The following EPHB2 variants were observed in gnomAD, a reference collection of about 807,000 sequenced individuals.
EPHB2 encodes ephrin type-B receptor 2.
Under a neutral mutation model 96.4 loss-of-function variants are expected in EPHB2, and 18 were observed. The ratio of observed to expected loss-of-function variants is 0.19; its 90% CI spans 0.13 to 0.28. The LOEUF (loss-of-function observed/expected upper bound fraction) is 0.28. Among genes scored for constraint, EPHB2 ranks in the 10% least tolerant of loss-of-function variants. The probability of loss-of-function intolerance (pLI) is 1.00; values close to 1 mark genes in which losing one functional copy is unlikely to be tolerated. For synonymous variants in EPHB2, 506 were observed against 534.1 expected, an observed-to-expected ratio of 0.95 and a Z score of 0.72; for missense variants, 989 against 1,355.4, an observed-to-expected ratio of 0.73 and a Z score of 4.25.
At chr1:22,897,870 C>T (rs901295078) in intron 9 of EPHB2, among the ~76,000 whole-genome samples, 3 of 152,050 alleles carry the variant, frequency 2.0e-5, no homozygotes, top group African/African-American at 7.2e-5. Context: ...GATGCCAAGG[C>T]AGGTGGATCA....
chr1:22,903,413 A>AAAG (rs778349835), intron 9 of EPHB2, among the ~76,000 whole-genome samples: 7 of 152,216 alleles, frequency 4.6e-5, no homozygotes, highest in Non-Finnish European at 8.8e-5. Context: ...GCTGATGGGG[A>AAAG]AAGAGGTGAT....
At chr1:22,725,622 C>T (rs1643564495) in intron 1 of EPHB2, among the ~76,000 whole-genome samples, 1 of 152,140 alleles carries the variant, frequency 6.6e-6, no homozygotes, top group Admixed American at 6.6e-5. Context: ...GAGCCATTGA[C>T]TATGGATTTG....
chr1:22,734,390 A>C, intron 1 of EPHB2, among the ~76,000 whole-genome samples: 2 of 148,102 alleles, frequency 1.4e-5, no homozygotes, highest in Admixed American at 6.7e-5. Context: ...AGATATATAC[A>C]CTCAATAAAG....
At chr1:22,824,841 C>T (rs1028164435) in intron 3 of EPHB2, among the ~76,000 whole-genome samples, 1 of 152,236 alleles carries the variant, frequency 6.6e-6, no homozygotes, top group Non-Finnish European at 1.5e-5. Context: ...AGCATTCCGT[C>T]CCAGGGCACC....
chr1:22,891,961 AT>A (rs528214016), intron 6 of EPHB2, among the ~76,000 whole-genome samples: 1,804 of 138,506 alleles, frequency 0.013, 7 homozygotes, highest in Middle Eastern at 0.033. Flanking sequence ...TGCCCAGCTA[AT>A]TTTTTTTTTT....
At chr1:22,823,541 A>G (rs899458754) in intron 3 of EPHB2, among the ~76,000 whole-genome samples, 4 of 151,422 alleles carry the variant, frequency 2.6e-5, no homozygotes, top group Non-Finnish European at 5.9e-5. Flanking sequence ...TGTTTTGAGA[A>G]TTACCACTCT....
chr1:22,910,744 CA>C (rs1247632851), intron 14 of EPHB2, among the ~76,000 whole-genome samples, 169 bp downstream of exon 14: 1 of 152,182 alleles, frequency 6.6e-6, no homozygotes, highest in Admixed American at 6.5e-5. Context: ...TGCAGGAGAG[CA>C]GAGGACGCAG....
chr1:22,842,101 G>A (rs1049231269), intron 3 of EPHB2, among the ~76,000 whole-genome samples: 4 of 152,150 alleles, frequency 2.6e-5, no homozygotes, highest in African/African-American at 7.2e-5. Context: ...AAGAGCTGTC[G>A]GGAGTAACTT....
intron 1 of EPHB2, among the ~76,000 whole-genome samples, chr1:22,754,868 A>G (rs372756215): frequency 0.2 from 1,094 of 5,468 alleles, no homozygotes; most frequent in East Asian, 0.29. Context: ...GAGGTGAGGC[A>G]AGGGGCAGGT....
At position 22,905,982 on chromosome 1, in the gene EPHB2, C is replaced by G. The variant is rs529304381; in HGVS notation, c.1766-5C>G. ...CATATGACAGAGCCTGGTCTTGTCC[C>G]CCAGTGACCCCAGGCATGAAGATCT... On this transcript the variant is annotated splice_region_variant and splice_polypyrimidine_tract_variant and intron_variant, in intron 9 of 15. Transcript: ENST00000374630. The G allele has an allele frequency of 6.8e-6, 11 of 1,614,068 alleles. No homozygotes were observed. The East Asian group carries it at 2.5e-4, about 36-fold the overall frequency.
intron 3 of EPHB2, among the ~76,000 whole-genome samples, chr1:22,810,699 G>T (rs1374499371): frequency 6.6e-6 from 1 of 152,184 alleles, no homozygotes; most frequent in Admixed American, 6.5e-5. Flanking sequence ...CAGCAGAGCT[G>T]CCAGGGCAGG....
intron 1 of EPHB2, 126 bp from the exon 2 acceptor site, chr1:22,781,295 G>A (rs1313380137): frequency 6.4e-6 from 6 of 938,646 alleles, no homozygotes; most frequent in Middle Eastern, 2.9e-4. Context: ...ACTCCAGCCT[G>A]GGCGACAGAG....
At chr1:22,753,766 C>T (rs1014427091) in intron 1 of EPHB2, among the ~76,000 whole-genome samples, 1 of 152,162 alleles carries the variant, frequency 6.6e-6, no homozygotes, top group Non-Finnish European at 1.5e-5. Flanking sequence ...CTTTCACTTT[C>T]TCTCAATAAC....
intron 6 of EPHB2, among the ~76,000 whole-genome samples, chr1:22,886,208 G>A (rs185998572): frequency 1.4e-4 from 21 of 152,300 alleles, no homozygotes; most frequent in African/African-American, 4.1e-4. Flanking sequence ...TTCACCAAAC[G>A]CGCAGGTGGG....
In EPHB2 at chr1:22,908,082, A is replaced by G. The variant is rs1372053495; in HGVS notation, c.2266A>G (p.Ser756Gly). The change falls in exon 12 of 16, where the codon AGC (serine) becomes GGC (glycine). Residue 756 changes from serine to glycine, a missense_variant. By Grantham distance (56) the Ser-to-Gly change is moderately conservative. Transcript: ENST00000374630. Reference sequence around the variant, plus strand: ...GGCTGCCCGCAACATCCTCGTCAACAGCAACCTGGTCTGCAAGGTGTCGGA... The same window carrying G: ...GGCTGCCCGCAACATCCTCGTCAACGGCAACCTGGTCTGCAAGGTGTCGGA... Reference protein sequence around the residue: ...DLAARNILVNSNLVCKVSDFG... With the variant: ...DLAARNILVNGNLVCKVSDFG... 11 of 1,614,232 alleles carry G rather than the reference A, an allele frequency of 6.8e-6. No individual in the cohort carries two copies. The highest frequency in any genetic ancestry group is 9.3e-6 in the Non-Finnish European group (11 of 1,180,036).
At chr1:22,761,277 CAA>C (rs1192918194) in intron 1 of EPHB2, among the ~76,000 whole-genome samples, 1 of 152,160 alleles carries the variant, frequency 6.6e-6, no homozygotes, top group Admixed American at 6.5e-5. Context: ...AGCAAAAAAA[CAA>C]AGAGTAGCAC....
intron 1 of EPHB2, among the ~76,000 whole-genome samples, chr1:22,781,029 G>T (rs1426964906): frequency 6.6e-6 from 1 of 152,014 alleles, no homozygotes; most frequent in Non-Finnish European, 1.5e-5. Flanking sequence ...GGGCCCGGCC[G>T]TGAGGGTCTG....
At chr1:22,871,641 C>T (rs1638670333) in intron 5 of EPHB2, among the ~76,000 whole-genome samples, 1 of 152,206 alleles carries the variant, frequency 6.6e-6, no homozygotes, top group Non-Finnish European at 1.5e-5. Flanking sequence ...GGCTTAGTTC[C>T]CTATTGCTGC....
At chr1:22,838,589 C>T (rs1041744426) in intron 3 of EPHB2, among the ~76,000 whole-genome samples, 1 of 152,118 alleles carries the variant, frequency 6.6e-6, no homozygotes, top group Admixed American at 6.6e-5. Flanking sequence ...CTGGGGTAAG[C>T]TAGCATGTAG....
Sources: allele counts gnomAD v4.1 joint callset (sites outside exome capture counted in the v4.1 genomes callset), GRCh38; gene constraint gnomAD v4.1.1; transcripts MANE v1.5; gene names NCBI Gene and HGNC (gene_info 2026-07-23, HGNC 2026-07-21).